Variants in AAK1 observed in about 807,000 individuals in gnomAD.
The protein encoded by AAK1 is AP2 associated kinase 1.
In AAK1, 37 loss-of-function variants were observed where a neutral mutation model predicts 116.0. That is an observed-to-expected ratio of 0.32 (90% CI 0.25 to 0.42). The LOEUF (loss-of-function observed/expected upper bound fraction) is 0.42. Ranked by LOEUF, AAK1 falls within the 10% of genes least tolerant of loss-of-function variation. AAK1 has a pLI of 1.00. For missense variants in AAK1, 919 were observed against 1,170.6 expected, an observed-to-expected ratio of 0.79 and a Z score of 3.14; for synonymous variants, 458 against 439.9, an observed-to-expected ratio of 1.04 and a Z score of -0.51.
chr2:69,542,051 C>T (rs974007819), intron 5 of AAK1, among the ~76,000 whole-genome samples: 7 of 152,132 alleles, frequency 4.6e-5, no homozygotes, highest in African/African-American at 1.7e-4. Flanking sequence ...CTAAGTTGAA[C>T]CCTAACAAGG....
chr2:69,469,368 T>C lies in AAK1; in HGVS notation c.*6501A>G. 3.0e-6 allele frequency: 3 copies of C among 985,448 alleles called. No individual in the cohort carries two copies. The highest frequency in any genetic ancestry group is 3.6e-6 in the Non-Finnish European group (3 of 829,936). The allele number at this position is 985,448 out of a possible 1,614,324, so 61.0% of individuals were successfully genotyped here. ...TATACTAGAAACAGAAGGTAACCAT[T>C]AAATCTTGTTGGCAGATAAAAGTCT... On this transcript the variant is annotated 3_prime_UTR_variant, in exon 22 of 22. Coordinates refer to ENST00000409085, the MANE Select transcript of AAK1 (RefSeq NM_014911.5).
intron 2 of AAK1, among the ~76,000 whole-genome samples, chr2:69,628,319 T>G (rs1245399591): frequency 1.3e-5 from 2 of 151,950 alleles, no homozygotes; most frequent in African/African-American, 4.8e-5. Context: ...CCCAGCTACA[T>G]AGGTCTAACA....
chr2:69,634,308 GA>G (rs1675354115), intron 2 of AAK1, among the ~76,000 whole-genome samples: 1 of 152,242 alleles, frequency 6.6e-6, no homozygotes, highest in Non-Finnish European at 1.5e-5. Context: ...TTGCCAATAT[GA>G]CTTTGAAGAA....
At chr2:69,602,069 T>C (rs184605803) in intron 2 of AAK1, among the ~76,000 whole-genome samples, 2 of 152,160 alleles carry the variant, frequency 1.3e-5, no homozygotes, top group African/African-American at 2.4e-5. Flanking sequence ...ACAGGGAACA[T>C]CAAAATCACT....
intron 2 of AAK1, among the ~76,000 whole-genome samples, chr2:69,640,644 A>G (rs970430119): frequency 2.0e-5 from 3 of 152,186 alleles, no homozygotes; most frequent in Admixed American, 6.5e-5. Flanking sequence ...CTACATATCT[A>G]CATACTTCTA....
chr2:69,536,891 C>T (rs1164409985), intron 5 of AAK1, among the ~76,000 whole-genome samples: 2 of 152,236 alleles, frequency 1.3e-5, no homozygotes, highest in Non-Finnish European at 2.9e-5. Flanking sequence ...AATCTTCATC[C>T]TATTATACTT....
chr2:69,484,588 T>C (rs141477648), intron 17 of AAK1, among the ~76,000 whole-genome samples: 1,899 of 151,770 alleles, frequency 0.013, 36 homozygotes, highest in African/African-American at 0.043. Flanking sequence ...AGGACAGGAG[T>C]TCGAGACCAG....
chr2:69,474,549 T>C lies in AAK1; in HGVS notation c.*1320A>G. ...ACTATGCTTTATTATTTTTTTTTAATCTAGGAAGCCAAGGAAAACCAGCTG... is the reference window on the plus strand; with the variant it reads ...ACTATGCTTTATTATTTTTTTTTAACCTAGGAAGCCAAGGAAAACCAGCTG... On this transcript the variant is annotated 3_prime_UTR_variant, in exon 22 of 22. Transcript: ENST00000409085. 1 of 985,334 alleles carries C rather than the reference T, an allele frequency of 1.0e-6. No individual in the cohort carries two copies. The highest frequency in any genetic ancestry group is 1.2e-6 in the Non-Finnish European group (1 of 829,866). The allele number at this position is 985,334 out of a possible 1,614,324, so 61.0% of individuals were successfully genotyped here.
At chr2:69,524,907 G>T in intron 10 of AAK1, 126 bp downstream of exon 10, 2 of 859,142 alleles carry the variant, frequency 2.3e-6, no homozygotes, top group South Asian at 1.6e-5. Flanking sequence ...GCAAGACAGA[G>T]CTTGCTTTCC....
At chr2:69,601,686 T>A (rs1028008221) in intron 2 of AAK1, among the ~76,000 whole-genome samples, 1 of 150,742 alleles carries the variant, frequency 6.6e-6, no homozygotes, top group Non-Finnish European at 1.5e-5. Context: ...AAAAAAAAAA[T>A]TGGCTTATCT....
intron 2 of AAK1, among the ~76,000 whole-genome samples, chr2:69,571,613 G>C (rs1672098039): frequency 6.6e-6 from 1 of 152,020 alleles, no homozygotes; most frequent in Non-Finnish European, 1.5e-5. Flanking sequence ...ACAATTACAG[G>C]CTTTAATAGA....
chr2:69,538,360 C>T (rs1351000751), intron 5 of AAK1, among the ~76,000 whole-genome samples: 6 of 152,164 alleles, frequency 3.9e-5, no homozygotes. Context: ...GAGGCTGGGG[C>T]CCGCTGCCTT....
chr2:69,476,889 T>C lies in AAK1; in HGVS notation c.2782A>G (p.Asn928Asp), dbSNP rs946393134. ...FDPIPVLITKNPQGGHSRNSS... is the reference protein window; with the variant it reads ...FDPIPVLITKDPQGGHSRNSS... ...CCATCCTTTTTCTTACCTTGTGGGT[T>C]TTTGGTTATCAATACAGGAATAGGG... Residue 928 changes from asparagine (N) to aspartate (D), a missense_variant, in exon 21 of 22, where the codon AAC becomes GAC. By Grantham distance (23) the Asn-to-Asp change is conservative. Around this residue, in one of 4 missense-constraint regions of AAK1, gnomAD observed 263 missense variants for 285.5 expected, o/e 0.92. Coordinates refer to ENST00000409085, the MANE Select transcript of AAK1 (RefSeq NM_014911.5). 6.2e-7 allele frequency: 1 copy of C among 1,613,160 alleles called. No individual in the cohort carries two copies. The highest frequency in any genetic ancestry group is 1.3e-5 in the African/African-American group (1 of 74,904).
At position 69,540,413 on chromosome 2, in the gene AAK1, G is replaced by A. The variant is rs187859405; in HGVS notation, c.534+2110C>T. Among the ~76,000 whole-genome samples, 290 of 152,250 alleles carry A rather than the reference G, an allele frequency of 1.9e-3. 2 individuals are homozygous for A. Among genetic ancestry groups the A allele is most frequent in the African/African-American group, 6.4e-3 (265 of 41,544 alleles). ...TGGGATTATAGGCATGAGCCACCACGCCCGGCCACATTCCTCTATTTCTAC... is the reference window on the plus strand; with the variant it reads ...TGGGATTATAGGCATGAGCCACCACACCCGGCCACATTCCTCTATTTCTAC... On this transcript the variant is annotated intron_variant, in intron 5 of 21. Coordinates refer to ENST00000409085, the MANE Select transcript of AAK1 (RefSeq NM_014911.5).
chr2:69,587,463 A>G (rs75474596), intron 2 of AAK1, among the ~76,000 whole-genome samples: 155 of 138,386 alleles, frequency 1.1e-3, no homozygotes, highest in East Asian at 5.2e-3. Context: ...ATGTGTGTGT[A>G]TATATATATA....
At chr2:69,547,866 A>T (rs1434656623) in intron 3 of AAK1, among the ~76,000 whole-genome samples, 6 of 152,210 alleles carry the variant, frequency 3.9e-5, no homozygotes, top group Admixed American at 3.9e-4. Context: ...AATAAATAAA[A>T]TGTGGTACAT....
intron 3 of AAK1, among the ~76,000 whole-genome samples, chr2:69,550,228 G>A (rs1042466594): frequency 1.3e-5 from 2 of 152,156 alleles, no homozygotes; most frequent in African/African-American, 4.8e-5. Context: ...ATGTTGTTAT[G>A]ACATGGTTTG....
At chr2:69,514,042 G>A (rs972024972) in intron 13 of AAK1, among the ~76,000 whole-genome samples, 4 of 152,184 alleles carry the variant, frequency 2.6e-5, no homozygotes, top group African/African-American at 9.7e-5. Flanking sequence ...AATGTGATTA[G>A]TAATGTCATC....
At chr2:69,621,130 C>T (rs1279763812) in intron 2 of AAK1, among the ~76,000 whole-genome samples, 2 of 152,190 alleles carry the variant, frequency 1.3e-5, no homozygotes, top group African/African-American at 4.8e-5. Flanking sequence ...AGGTGATATA[C>T]TGGTCCATGC....
Sources: gnomAD v4.1 joint callset for allele counts (sites outside exome capture counted in the v4.1 genomes callset) on GRCh38, gnomAD v4.1.1 for gene constraint, gnomAD v4.1.1 regional missense constraint, MANE v1.5 for transcripts, NCBI Gene and HGNC (gene_info 2026-07-23, HGNC 2026-07-21) for gene names.